Variants in CYP2B6 observed in about 807,000 individuals in gnomAD.
CYP2B6 encodes the protein cytochrome P450 family 2 subfamily B member 6.
CYP2B6 carries 35 observed loss-of-function variants against 43.4 expected under a neutral mutation model. The observed-to-expected ratio is 0.81, with a 90% CI of 0.62 to 1.07. The LOEUF (loss-of-function observed/expected upper bound fraction) is 1.07. Among genes scored for constraint, CYP2B6 ranks in the 50% least tolerant of loss-of-function variants. CYP2B6 has a pLI of 0.00. For missense variants in CYP2B6, 624 were observed against 632.8 expected (o/e 0.99, Z 0.15); for synonymous variants, 239 against 239.2 (o/e 1.00, Z 0.01).
chr19:40,995,867 T>C (rs1165978329), intron 1 of CYP2B6, among the ~76,000 whole-genome samples: 3 of 152,106 alleles, frequency 2.0e-5, no homozygotes, highest in African/African-American at 4.8e-5. Context: ...GGAGAGTTTA[T>C]TAAATTAAGG....
At chr19:41,007,194 G>T in intron 4 of CYP2B6, 129 bp downstream of exon 4, 1 of 934,552 alleles carries the variant, frequency 1.1e-6, no homozygotes, top group African/African-American at 1.6e-5. Context: ...GACATGTGAA[G>T]AATCAGGGAC....
At chr19:40,996,929 C>A (rs8104022) in intron 1 of CYP2B6, among the ~76,000 whole-genome samples, 43,897 of 151,890 alleles carry the variant, frequency 0.29, 6,899 homozygotes, top group South Asian at 0.38. Flanking sequence ...CAGATTGAGA[C>A]CCTGTCTCTG....
rs7250601 is a variant in CYP2B6 at position 40,997,499 on chromosome 19, A to T, written c.171+6023A>T. Among the ~76,000 whole-genome samples, 377 of 152,008 alleles carry T rather than the reference A, an allele frequency of 2.5e-3. 12 individuals are homozygous for T. The East Asian group carries it at 0.053, about 21-fold the overall frequency. On this transcript the variant is annotated intron_variant, in intron 1 of 8. Coordinates refer to ENST00000324071, the MANE Select transcript of CYP2B6 (RefSeq NM_000767.5). ...TTTCTGATCAATGGTCTTTTTAATG[A>T]TACCAAGTACAGAGTATATATGCCA...
At chr19:41,001,110 T>C (rs142589200) in intron 1 of CYP2B6, among the ~76,000 whole-genome samples, 263 of 151,966 alleles carry the variant, frequency 1.7e-3, no homozygotes, top group African/African-American at 6.0e-3. Context: ...GGGGAAAGCA[T>C]TTGTCCAGTG....
At chr19:40,999,346 G>A (rs1156875597) in intron 1 of CYP2B6, among the ~76,000 whole-genome samples, 1 of 151,590 alleles carries the variant, frequency 6.6e-6, no homozygotes. Flanking sequence ...AGTAGGTTGC[G>A]AAAATTTTCT....
At chr19:41,015,935 A>G (rs1000721026) in intron 8 of CYP2B6, among the ~76,000 whole-genome samples, 6 of 152,110 alleles carry the variant, frequency 3.9e-5, no homozygotes, top group African/African-American at 1.2e-4. Flanking sequence ...CATTCTCCCC[A>G]TATGAGAAGT....
In CYP2B6 at chr19:41,012,356, T is replaced by G. The variant is rs200407252; in HGVS notation, c.1023T>G (p.His341Gln). ...GCCCACATCGCCCTCCAGAGCTTCA[T>G]GACCGAGCCAAAATGCCATACACAG... is the stretch of plus-strand genomic sequence containing the variant. ...VIGPHRPPEL[H>Q]DRAKMPYTEA... The change falls in exon 7 of 9, where the codon CAT (histidine) becomes CAG (glutamine). Residue 341 changes from histidine to glutamine, a missense_variant. Physicochemically the swap from His to Gln is conservative, Grantham distance 24. Transcript: ENST00000324071. The G allele has an allele frequency of 3.1e-5, 50 of 1,614,024 alleles. No homozygotes were observed. The highest frequency in any genetic ancestry group is 3.8e-5 in the Non-Finnish European group (45 of 1,180,032).
At chr19:40,999,436 T>A (rs939757481) in intron 1 of CYP2B6, among the ~76,000 whole-genome samples, 21 of 152,208 alleles carry the variant, frequency 1.4e-4, no homozygotes, top group African/African-American at 5.1e-4. Context: ...TTAGATCCCA[T>A]TTGTCAATTT....
In CYP2B6 at chr19:41,010,498, T is replaced by C. The variant is rs183506021; in HGVS notation, c.964+363T>C. Among the ~76,000 whole-genome samples the C allele has an allele frequency of 1.0e-3, 158 of 151,650 alleles. 1 individual carries two copies. The highest frequency in any genetic ancestry group is 3.5e-3 in the African/African-American group (145 of 41,306). On this transcript the variant is annotated intron_variant, in intron 6 of 8. Coordinates refer to ENST00000324071, the MANE Select transcript of CYP2B6 (RefSeq NM_000767.5). ...GCATGCTCTTGGCTTACTGCAAGCT[T>C]CACTTCCAGGGTTCACGCCATTCTC...
chr19:40,998,242 TG>T (rs1211591303), intron 1 of CYP2B6, among the ~76,000 whole-genome samples: 15 of 152,148 alleles, frequency 9.9e-5, no homozygotes, highest in Admixed American at 9.2e-4. Flanking sequence ...AGACGCTATC[TG>T]GGCACAAATC....
At chr19:40,998,347 C>A (rs1969028826) in intron 1 of CYP2B6, among the ~76,000 whole-genome samples, 1 of 152,038 alleles carries the variant, frequency 6.6e-6, no homozygotes, top group African/African-American at 2.4e-5. Flanking sequence ...TTGAATATCC[C>A]AATCCTTTAC....
At position 41,004,336 on chromosome 19, in the gene CYP2B6, G is replaced by A. The variant is rs779165812; in HGVS notation, c.374G>A (p.Arg125Gln). The stretch of plus-strand genomic sequence containing the variant: ...AATGGAAACCGCTGGAAGGTGCTTC[G>A]GCGATTCTCTGTGACCACTATGAGG... ...FANGNRWKVL[R>Q]RFSVTTMRDF... Residue 125 changes from arginine (R) to glutamine (Q), a missense_variant, in exon 3 of 9, where the codon CGG (arginine) becomes CAG (glutamine). Physicochemically the swap from Arg to Gln is conservative, Grantham distance 43 (BLOSUM62 1). Coordinates refer to ENST00000324071, the MANE Select transcript of CYP2B6 (RefSeq NM_000767.5). The A allele has an allele frequency of 1.2e-5, 19 of 1,613,932 alleles. No homozygotes were observed. Among genetic ancestry groups the A allele is most frequent in the Non-Finnish European group, 1.4e-5 (16 of 1,180,004 alleles).
rs766962620 is a variant in CYP2B6 at position 41,009,198 on chromosome 19, A to T, written c.646-21A>T. Reference sequence around the variant, plus strand: ...GCTAGCTCAGCCCTAGGCAAACCTCACCACCCCTTCTTTCTTGCAGCTGTT... The same window carrying T: ...GCTAGCTCAGCCCTAGGCAAACCTCTCCACCCCTTCTTTCTTGCAGCTGTT... On this transcript the variant is annotated intron_variant, in intron 4 of 8. Transcript: ENST00000324071. 8.7e-6 allele frequency: 14 copies of T among 1,605,856 alleles called. No homozygotes were observed. In the South Asian group the frequency reaches 1.3e-4, roughly 15 times the overall value.
chr19:40,991,381 A>T lies in CYP2B6; in HGVS notation c.76A>T (p.Thr26Ser), dbSNP rs33973337. Reference protein sequence around the residue: ...LLLLVQRHPNTHDRLPPGPRP... With the variant: ...LLLLVQRHPNSHDRLPPGPRP... ...ACTCCTGGTTCAGCGCCACCCTAAC[A>T]CCCATGACCGCCTCCCACCAGGGCC... The change falls in exon 1 of 9, where the codon ACC becomes TCC. Residue 26 changes from threonine to serine, a missense_variant. Transcript: ENST00000324071. The T allele has an allele frequency of 1.5e-3, 2,480 of 1,613,670 alleles. 43 individuals are homozygous for T. The African/African-American group carries it at 0.027, about 18-fold the overall frequency.
At chr19:41,016,045 C>T (rs536628511) in intron 8 of CYP2B6, among the ~76,000 whole-genome samples, 1 of 149,140 alleles carries the variant, frequency 6.7e-6, no homozygotes, top group African/African-American at 2.5e-5. Flanking sequence ...GGTCATTATA[C>T]TCTGTGGGTT....
Position 41,016,930 on chromosome 19 carries a change from C to T in CYP2B6, c.*103C>T. The T allele has an allele frequency of 1.6e-6, 2 of 1,252,610 alleles. No homozygotes were observed. Among genetic ancestry groups the T allele is most frequent in the Admixed American group, 2.1e-5 (1 of 46,782 alleles). 77.6% of individuals were successfully genotyped at this position (1,252,610 alleles called of 1,614,324 possible). On this transcript the variant is annotated 3_prime_UTR_variant, in exon 9 of 9. Coordinates refer to ENST00000324071, the MANE Select transcript of CYP2B6 (RefSeq NM_000767.5). Reference sequence around the variant, plus strand: ...CCGCAACTTCCTGCCTCTGAGAGACCTGCTACAAGCCAGCTTCCTTCCCCT... The same window carrying T: ...CCGCAACTTCCTGCCTCTGAGAGACTTGCTACAAGCCAGCTTCCTTCCCCT...
intron 5 of CYP2B6, 151 bp downstream of exon 5, chr19:41,009,546 A>C: frequency 1.2e-6 from 1 of 835,292 alleles, no homozygotes; most frequent in Non-Finnish European, 1.9e-6. Flanking sequence ...AGGAGAGAAC[A>C]TGAGGAAGGA....
rs1969149064 is a variant in CYP2B6 at position 41,004,609 on chromosome 19, G to T, written c.484+163G>T. On this transcript the variant is annotated intron_variant, in intron 3 of 8. Transcript: ENST00000324071. Reference sequence around the variant, plus strand: ...ATAGAGACAGAGAGGGAGAGAGACAGGGGAATAGAGAGGGATGGGGATGGG... The same window carrying T: ...ATAGAGACAGAGAGGGAGAGAGACATGGGAATAGAGAGGGATGGGGATGGG... Among the ~76,000 whole-genome samples, 3 of 152,150 alleles carry T rather than the reference G, an allele frequency of 2.0e-5. No homozygotes were observed. The South Asian group carries it at 6.2e-4, about 32-fold the overall frequency.
chr19:41,005,660 A>C (rs1160843579), intron 3 of CYP2B6, among the ~76,000 whole-genome samples: 1 of 152,036 alleles, frequency 6.6e-6, no homozygotes. Flanking sequence ...ACGTGCCTTT[A>C]ATCCCAGCTA....
Sources: allele counts gnomAD v4.1 joint callset (sites outside exome capture counted in the v4.1 genomes callset), GRCh38; gene constraint gnomAD v4.1.1; transcripts MANE v1.5; gene names NCBI Gene and HGNC (gene_info 2026-07-23, HGNC 2026-07-21).